PTGR3: variants seen among roughly 807,000 people sequenced by gnomAD.
PTGR3 encodes zinc binding alcohol dehydrogenase domain containing 2.
the PTGR3 span, chr18:75,208,847 C>T: frequency 1.3e-6 from 2 of 1,498,602 alleles, no homozygotes; most frequent in South Asian, 2.5e-5. Flanking sequence ...GCGCCGGGCT[C>T]ACCGGTTCCG....
chr18:75,198,652 T>C, the PTGR3 span: 4 of 152,178 alleles, frequency 2.6e-5, no homozygotes, highest in Non-Finnish European at 5.9e-5. Flanking sequence ...TTAGAAGTCA[T>C]AACCAAATGG....
At chr18:75,205,095 G>T in the PTGR3 span, 1 of 944,848 alleles carries the variant, frequency 1.1e-6, no homozygotes, top group Non-Finnish European at 1.3e-6. Flanking sequence ...CCTCCGGTTC[G>T]CGGACCCCCA....
At chr18:75,207,362 A>G in the PTGR3 span, among the ~76,000 whole-genome samples, 14,947 of 151,906 alleles carry the variant, frequency 0.098, 1,378 homozygotes, top group African/African-American at 0.24. Context: ...CTTGCCCGTT[A>G]AAGTTTGTTT....
the PTGR3 span, chr18:75,202,260 C>A: frequency 3.1e-6 from 5 of 1,614,120 alleles, no homozygotes; most frequent in Non-Finnish European, 4.2e-6. Context: ...GCCTTCGAAA[C>A]CTATGTCAAA....
the PTGR3 span, chr18:75,197,342 T>G: frequency 6.6e-6 from 1 of 152,230 alleles, no homozygotes; most frequent in African/African-American, 2.4e-5. Context: ...TGCTTATTTA[T>G]TTCACATTGC....
the PTGR3 span, chr18:75,198,149 A>G: frequency 6.6e-6 from 1 of 152,232 alleles, no homozygotes; most frequent in Non-Finnish European, 1.5e-5. Context: ...CGTTACCCAA[A>G]TAAAAGCCAG....
the PTGR3 span, among the ~76,000 whole-genome samples, chr18:75,204,161 G>A: frequency 6.6e-6 from 1 of 152,262 alleles, no homozygotes; most frequent in Non-Finnish European, 1.5e-5. Flanking sequence ...CCCGCCTTGG[G>A]GGGACACCCG....
chr18:75,196,824 G>A, the PTGR3 span: 1 of 151,996 alleles, frequency 6.6e-6, no homozygotes, highest in Non-Finnish European at 1.5e-5. Context: ...GGTCTATAAT[G>A]GGCAAGAATA....
At chr18:75,208,740 G>A in the PTGR3 span, 3 of 1,081,074 alleles carry the variant, frequency 2.8e-6, no homozygotes, top group East Asian at 7.0e-5. Flanking sequence ...GCGCCCGAGC[G>A]CGCGCCGGAG....
At chr18:75,202,337 A>G in the PTGR3 span, 50 of 1,601,014 alleles carry the variant, frequency 3.1e-5, no homozygotes, top group Admixed American at 8.1e-4. Context: ...TAACACCAAC[A>G]AATCTAAAAG....
At chr18:75,205,150 T>G in the PTGR3 span, 3 of 985,424 alleles carry the variant, frequency 3.0e-6, no homozygotes, top group Non-Finnish European at 3.6e-6. Flanking sequence ...CCCCCGCGGC[T>G]GGTGAGGACC....
the PTGR3 span, chr18:75,195,899 G>C: frequency 6.6e-6 from 1 of 152,176 alleles, no homozygotes; most frequent in African/African-American, 2.4e-5. Context: ...GGGTGACAGA[G>C]CAAGACCCTT....
At chr18:75,203,139 A>G in the PTGR3 span, among the ~76,000 whole-genome samples, 23 of 152,224 alleles carry the variant, frequency 1.5e-4, no homozygotes, top group Non-Finnish European at 2.6e-4. Flanking sequence ...CAGAGACATA[A>G]CTTGATTAAT....
the PTGR3 span, chr18:75,208,736 G>A: frequency 1.0e-5 from 11 of 1,073,968 alleles, no homozygotes; most frequent in South Asian, 7.7e-5. Flanking sequence ...CTGTGCGCCC[G>A]AGCGCGCGCC....
At chr18:75,202,327 T>G in the PTGR3 span, 1 of 1,605,172 alleles carries the variant, frequency 6.2e-7, no homozygotes, top group African/African-American at 1.3e-5. Flanking sequence ...TCAGATGCGT[T>G]AACACCAACA....
chr18:75,197,506 T>C, the PTGR3 span: 4 of 152,288 alleles, frequency 2.6e-5, no homozygotes, highest in Non-Finnish European at 5.9e-5. Flanking sequence ...ACCAACTGTA[T>C]TGATGATAAA....
the PTGR3 span, among the ~76,000 whole-genome samples, chr18:75,202,665 C>CAAAAAAAAAAAAAAGAAAAAAAAAAAA: frequency 1.3e-5 from 1 of 79,092 alleles, no homozygotes. Context: ...TAGAAATAAG[C>CAAAAAAAAAAAAAAGAAAAAAAAAAAA]AAAAAAAAAA....
chr18:75,202,225 GGCCTAGGGCCACCACCTCCCCAAT>G, the PTGR3 span: 1 of 1,614,168 alleles, frequency 6.2e-7, no homozygotes, highest in Non-Finnish European at 8.5e-7. Context: ...CTAGCAGAGA[GGCCTAGGGCCACCACCTCCCCAAT>G]GCCTTCGAAA....
the PTGR3 span, chr18:75,208,727 T>C: frequency 7.9e-6 from 8 of 1,009,186 alleles, no homozygotes; most frequent in South Asian, 1.2e-4. Context: ...AAACTCAGGC[T>C]GTGCGCCCGA....
Sources: gnomAD v4.1 joint callset for allele counts (sites outside exome capture counted in the v4.1 genomes callset) on GRCh38, gnomAD v4.1.1 for gene constraint, MANE v1.5 for transcripts, NCBI Gene and HGNC (gene_info 2026-07-23, HGNC 2026-07-21) for gene names.